GPSM2: variants seen among roughly 807,000 people sequenced by gnomAD.
GPSM2 encodes G protein-signaling modulator 2.
GPSM2 carries 58 observed loss-of-function variants against 78.4 expected under a neutral mutation model. That is an observed-to-expected ratio of 0.74 (90% confidence interval 0.60 to 0.92). The LOEUF (loss-of-function observed/expected upper bound fraction) is 0.92. GPSM2 is among the 40% of genes least tolerant of loss of function. The probability of loss-of-function intolerance (pLI) is 0.00; values close to 1 mark genes in which losing one functional copy is unlikely to be tolerated. For synonymous variants in GPSM2, 224 were observed against 280.2 expected (o/e 0.80, Z 2.00); for missense variants, 700 against 815.5 (o/e 0.86, Z 1.73).
chr1:108,883,828 C>A (rs1240983710), intron 1 of GPSM2, among the ~76,000 whole-genome samples: 1 of 152,092 alleles, frequency 6.6e-6, no homozygotes, highest in Non-Finnish European at 1.5e-5. Context: ...CTCCTTTTCT[C>A]TGAACTTCTC....
At chr1:108,888,363 G>T (rs184973824) in intron 2 of GPSM2, among the ~76,000 whole-genome samples, 54 of 151,344 alleles carry the variant, frequency 3.6e-4, no homozygotes, top group African/African-American at 1.1e-3. Flanking sequence ...TTTTTTCCCC[G>T]TTGAGACAGA....
At chr1:108,887,028 A>T (rs927548880) in intron 2 of GPSM2, among the ~76,000 whole-genome samples, 2 of 152,004 alleles carry the variant, frequency 1.3e-5, no homozygotes, top group South Asian at 2.1e-4. Context: ...CTGGGATTAT[A>T]GGCGTGTGTC....
At position 108,933,742 on chromosome 1, in the gene GPSM2, C is replaced by T. The variant is rs1391478024; in HGVS notation, c.*3802C>T. The stretch of plus-strand genomic sequence containing the variant: ...GGAATGCTTTTGATAATCAGAAAGA[C>T]TAATGTAAAGTGCTGACTGATGTCC... On this transcript the variant is annotated 3_prime_UTR_variant, in exon 15 of 15. Transcript: ENST00000264126. The T allele has an allele frequency of 1.3e-5, 2 of 152,160 alleles. No homozygotes were observed. The highest frequency in any genetic ancestry group is 2.9e-5 in the Non-Finnish European group (2 of 68,038). The allele number at this position is 152,160 out of a possible 1,614,324, so 9.4% of individuals were successfully genotyped here.
chr1:108,929,282 G>A (rs1003697666), intron 14 of GPSM2, among the ~76,000 whole-genome samples: 1 of 152,130 alleles, frequency 6.6e-6, no homozygotes, highest in African/African-American at 2.4e-5. Context: ...TTTTAAGGTA[G>A]TTCCTCATGG....
rs559596482 is a variant in GPSM2, at chr1:108,893,976, AC to A, written c.57-2885del. 4.9e-3 allele frequency among the ~76,000 whole-genome samples: 747 copies of A among 152,102 alleles called. 5 individuals are homozygous for A. Among genetic ancestry groups the A allele is most frequent in the Non-Finnish European group, 8.8e-3 (601 of 67,992 alleles). On this transcript the variant is annotated intron_variant, in intron 2 of 14. Transcript: ENST00000264126. Reference sequence around the variant, plus strand: ...AGGCTGAGGCAGAAGAATTGCTTGAACCCAGGAGGCGGAGGTTGCAGTGAGC... The same window carrying A: ...AGGCTGAGGCAGAAGAATTGCTTGAACCAGGAGGCGGAGGTTGCAGTGAGC...
rs1484841136 is a variant in GPSM2 at position 108,931,323 on chromosome 1, C to CAGTT, written c.*1384_*1387dup. On this transcript the variant is annotated 3_prime_UTR_variant, in exon 15 of 15. Coordinates refer to ENST00000264126, the MANE Select transcript of GPSM2 (RefSeq NM_013296.5). ...TCTTCCTTATCCCAGATATTGAAGG[C>CAGTT]AGTTTACAAGGGGATGATAACAAAG... 1 of 1,546,914 alleles carries CAGTT rather than the reference C, an allele frequency of 6.5e-7. No homozygotes were observed. The highest frequency in any genetic ancestry group is 1.4e-5 in the African/African-American group (1 of 72,968).
intron 13 of GPSM2, 88 bp downstream of exon 13, chr1:108,922,664 G>A: frequency 9.2e-7 from 1 of 1,084,052 alleles, no homozygotes; most frequent in Non-Finnish European, 1.4e-6. Flanking sequence ...CCCATCATAA[G>A]AGATATAATA....
intron 10 of GPSM2, among the ~76,000 whole-genome samples, chr1:108,912,289 A>G (rs960748351): frequency 2.6e-5 from 4 of 152,240 alleles, no homozygotes; most frequent in Non-Finnish European, 2.9e-5. Context: ...CTTTACAGAT[A>G]TAAGTAATAA....
Position 108,898,747 on chromosome 1 carries a change from A to C in GPSM2, c.663A>C (p.Ala221=). The change falls in exon 6 of 15, where the codon GCA becomes GCC. Residue 221 remains alanine (A), a synonymous_variant. Coordinates refer to ENST00000264126, the MANE Select transcript of GPSM2 (RefSeq NM_013296.5). ...THYLLGNFRD[A]VIAHEQRLLI... is the part of the protein sequence containing the mutation. The stretch of plus-strand genomic sequence containing the variant: ...ACCTCCTTGGCAACTTCAGGGATGC[A>C]GTTATAGCTCATGAGCAGGTACAGT... 1.9e-6 allele frequency: 3 copies of C among 1,614,090 alleles called. No homozygotes were observed. The South Asian group carries it at 3.3e-5, about 18-fold the overall frequency.
At chr1:108,914,461 A>G (rs1043058558) in intron 11 of GPSM2, 53 bp downstream of exon 11, 2 of 1,204,874 alleles carry the variant, frequency 1.7e-6, no homozygotes, top group South Asian at 2.6e-5. Context: ...AAAATGTTTT[A>G]GTAATTTTTA....
At position 108,931,639 on chromosome 1, in the gene GPSM2, A is replaced by G. The variant is rs1570984286; in HGVS notation, c.*1699A>G. 7.1e-6 allele frequency: 8 copies of G among 1,124,792 alleles called. No homozygotes were observed. The East Asian group carries it at 2.2e-4, about 31-fold the overall frequency. 69.7% of individuals were successfully genotyped at this position (1,124,792 alleles called of 1,614,324 possible). A position where few individuals can be genotyped will look rare whatever the true frequency, so the allele number is the denominator to read the frequency against. On this transcript the variant is annotated 3_prime_UTR_variant, in exon 15 of 15. Coordinates refer to ENST00000264126, the MANE Select transcript of GPSM2 (RefSeq NM_013296.5). The stretch of plus-strand genomic sequence containing the variant: ...ATTAAGTGCTCAGCTAAAAAAAAAA[A>G]AAAAGTTCTAAATTACAACCTGGAT...
intron 2 of GPSM2, among the ~76,000 whole-genome samples, chr1:108,891,645 A>G (rs900020844): frequency 1.3e-5 from 2 of 148,190 alleles, no homozygotes; most frequent in Non-Finnish European, 3.0e-5. Context: ...CTACAGGTGC[A>G]TGCCACCACA....
At chr1:108,921,651 A>G (rs1411989164) in intron 12 of GPSM2, among the ~76,000 whole-genome samples, 2 of 152,148 alleles carry the variant, frequency 1.3e-5, no homozygotes, top group African/African-American at 4.8e-5. Context: ...CCTTCAGTTC[A>G]TAATCAGTTG....
intron 8 of GPSM2, 148 bp from the exon 9 acceptor site, chr1:108,902,978 T>C (rs537964866): frequency 1.6e-6 from 1 of 636,076 alleles, no homozygotes; most frequent in Non-Finnish European, 2.8e-6. Context: ...CTAGTATGTC[T>C]ATAATATCAT....
chr1:108,926,876 A>G (rs1166588836), intron 14 of GPSM2: 1 of 152,168 alleles, frequency 6.6e-6, no homozygotes, highest in East Asian at 1.9e-4. Flanking sequence ...TAGCTGGAGC[A>G]ATTAGGCAAA....
chr1:108,888,444 C>T (rs959560231), intron 2 of GPSM2, among the ~76,000 whole-genome samples: 1 of 152,082 alleles, frequency 6.6e-6, no homozygotes, highest in Non-Finnish European at 1.5e-5. Flanking sequence ...ACCTCTCAGG[C>T]TCAAGCAATC....
At chr1:108,924,427 GGA>G (rs1650975092) in intron 14 of GPSM2, 1 of 618,796 alleles carries the variant, frequency 1.6e-6, no homozygotes. Context: ...TTACATTTTA[GGA>G]GAGACGTGTG....
At chr1:108,905,542 C>T (rs1161717497) in intron 10 of GPSM2, among the ~76,000 whole-genome samples, 2 of 152,136 alleles carry the variant, frequency 1.3e-5, no homozygotes, top group African/African-American at 4.8e-5. Flanking sequence ...ATTTGGCCTC[C>T]AGGATTACTC....
chr1:108,881,477 A>G (rs1665899009), intron 1 of GPSM2, among the ~76,000 whole-genome samples: 2 of 152,238 alleles, frequency 1.3e-5, no homozygotes, highest in South Asian at 2.1e-4. Context: ...CACACATTGT[A>G]TCTAGGAAGT....
Sources: allele counts gnomAD v4.1 joint callset (sites outside exome capture counted in the v4.1 genomes callset), GRCh38; gene constraint gnomAD v4.1.1; transcripts MANE v1.5; gene names NCBI Gene and HGNC (gene_info 2026-07-23, HGNC 2026-07-21).